RTL1: variants seen among roughly 807,000 people sequenced by gnomAD.
The protein encoded by RTL1 is retrotransposon-like protein 1.
For synonymous variants in RTL1, 727 were observed against 748.4 expected, an observed-to-expected ratio of 0.97 and a Z score of 0.47; for missense variants, 1,681 against 1,767.5, an observed-to-expected ratio of 0.95 and a Z score of 0.88.
rs2140032597 is a variant in RTL1 at position 100,880,710 on chromosome 14, C to G, written c.*2G>C. The G allele has an allele frequency of 6.4e-7, 1 of 1,550,842 alleles. No individual in the cohort carries two copies. Among genetic ancestry groups the G allele is most frequent in the Non-Finnish European group, 8.7e-7 (1 of 1,146,950 alleles). ...CTCTTTGCTGGAGACAGGGAGGCGT[C>G]TTCAGTCGAGGTTAGCATCTTCGTC... On this transcript the variant is annotated 3_prime_UTR_variant, in exon 4 of 4. Coordinates refer to ENST00000649591, the MANE Select transcript of RTL1 (RefSeq NM_001134888.3).
In RTL1 at chr14:100,891,161, C is replaced by T. The variant is rs555159558; in HGVS notation, c.-87+2283G>A. 3.3e-5 allele frequency among the ~76,000 whole-genome samples: 5 copies of T among 152,140 alleles called. No individual in the cohort carries two copies. In the East Asian group the frequency reaches 9.7e-4, roughly 30 times the overall value. On this transcript the variant is annotated intron_variant, in intron 3 of 3. Transcript: ENST00000649591. ...TGCAGGGGCTGCTGGCCTGGCATAGCTTATGTTGGAGTCCCTCCCCCCGGG... is the reference window on the plus strand; with the variant it reads ...TGCAGGGGCTGCTGGCCTGGCATAGTTTATGTTGGAGTCCCTCCCCCCGGG...
intron 2 of RTL1, chr14:100,897,771 T>TTGGG (rs2038885944): frequency 4.3e-5 from 1 of 23,144 alleles, no homozygotes; most frequent in Non-Finnish European, 8.3e-5. Flanking sequence ...GGTGGGGGGG[T>TTGGG]GGGGGGCGGG....
In RTL1 at chr14:100,881,712, G is replaced by A. The variant is rs558888009; in HGVS notation, c.3077C>T (p.Pro1026Leu). ...CTCTTCTTCCCCGGATTCCGTCGAT[G>A]GATCCCTGGGGAATCCCCTTGAGGC... ...LLASRGFPRD[P>L]STESGEEENE... The change falls in exon 4 of 4, where the codon CCA (proline) becomes CTA (leucine). Residue 1026 changes from proline to leucine, a missense_variant. Physicochemically the swap from Pro to Leu is moderately conservative, Grantham distance 98 (BLOSUM62 -3). Coordinates refer to ENST00000649591, the MANE Select transcript of RTL1 (RefSeq NM_001134888.3). This position sits in a 1 kb window ranked among gnomAD's most constrained non-coding sequence, Gnocchi z 6.6. The A allele has an allele frequency of 6.3e-7, 1 of 1,590,480 alleles. No individual in the cohort carries two copies. Among genetic ancestry groups the A allele is most frequent in the East Asian group, 2.3e-5 (1 of 43,512 alleles).
Position 100,882,253 on chromosome 14 carries a change from C to T in RTL1, c.2536G>A (p.Gly846Arg), listed in dbSNP as rs1202862458. 1 of 1,551,384 alleles carries T rather than the reference C, an allele frequency of 6.4e-7. No individual in the cohort carries two copies. Among genetic ancestry groups the T allele is most frequent in the Non-Finnish European group, 8.7e-7 (1 of 1,147,012 alleles). Residue 846 changes from glycine (G) to arginine (R), a missense_variant, in exon 4 of 4, where the codon GGA becomes AGA. By Grantham distance (125) the Gly-to-Arg change is moderately radical. Coordinates refer to ENST00000649591, the MANE Select transcript of RTL1 (RefSeq NM_001134888.3). ...TCGAAGGCCTCTTGCTCCTCGACTC[C>T]CCAGTAGAACTGGTAGGAGCTCAGC... ...QLLSSYQFYW[G>R]VEEQEAFECL...
At position 100,883,536 on chromosome 14, in the gene RTL1, T is replaced by A. The variant is rs2038651953; in HGVS notation, c.1253A>T (p.Asn418Ile). Residue 418 changes from asparagine to isoleucine, a missense_variant, in exon 4 of 4, where the codon AAC (asparagine) becomes ATC (isoleucine). Physicochemically the swap from Asn to Ile is moderately radical, Grantham distance 149. Coordinates refer to ENST00000649591, the MANE Select transcript of RTL1 (RefSeq NM_001134888.3). The surrounding 1 kb of genome is among the most constrained non-coding windows in gnomAD (Gnocchi z 5.9). Reference sequence around the variant, plus strand: ...CTGGACCGCGACGCTGTGGTAGGGGTTCACTCTCACCATGAGCAGCAGGAA... The same window carrying A: ...CTGGACCGCGACGCTGTGGTAGGGGATCACTCTCACCATGAGCAGCAGGAA... ...HLFLLLMVRV[N>I]PYHSVAVQAL... 1 of 1,551,416 alleles carries A rather than the reference T, an allele frequency of 6.4e-7. No individual in the cohort carries two copies. The highest frequency in any genetic ancestry group is 2.4e-5 in the East Asian group (1 of 40,898).
chr14:100,883,837 G>A lies in RTL1; in HGVS notation c.952C>T (p.Pro318Ser). 1 of 1,551,622 alleles carries A rather than the reference G, an allele frequency of 6.4e-7. No individual in the cohort carries two copies. ...AAGTGGGCCTGCAGGACTTCATCTG[G>A]CCAGCCCAAGATGGGTACCAGGCTC... ...FQSLVPILGW[P>S]DEVLQAHLCQ... Residue 318 changes from proline (P) to serine (S), a missense_variant, in exon 4 of 4, where the codon CCA becomes TCA. By Grantham distance (74) the Pro-to-Ser change is moderately conservative. Coordinates refer to ENST00000649591, the MANE Select transcript of RTL1 (RefSeq NM_001134888.3). This position sits in a 1 kb window ranked among gnomAD's most constrained non-coding sequence, Gnocchi z 5.9.
At chr14:100,885,197 G>A (rs2038681362) in intron 3 of RTL1, among the ~76,000 whole-genome samples, 1 of 152,212 alleles carries the variant, frequency 6.6e-6, no homozygotes, top group Non-Finnish European at 1.5e-5. Context: ...TACCTGGCAG[G>A]GTGCACAGGC....
chr14:100,896,021 C>T (rs1451822459), intron 2 of RTL1, among the ~76,000 whole-genome samples: 7 of 149,812 alleles, frequency 4.7e-5, no homozygotes, highest in Admixed American at 6.7e-5. Context: ...TGCAGTTAGC[C>T]GAGATTGCAC....
At position 100,882,138 on chromosome 14, in the gene RTL1, G is replaced by A. The variant is rs527721034; in HGVS notation, c.2651C>T (p.Thr884Met). 5 of 1,553,198 alleles carry A rather than the reference G, an allele frequency of 3.2e-6. No individual in the cohort carries two copies. The highest frequency in any genetic ancestry group is 3.9e-5 in the Admixed American group (2 of 51,150). ...TTGGATCAGGGAGGCGTGCAGGGCC[G>A]TGCCGGTGACGCCGGTTTCCAAGTA... Reference protein sequence around the residue: ...PFYLETGVTGTALHASLIQID... With the variant: ...PFYLETGVTGMALHASLIQID... Residue 884 changes from threonine to methionine, a missense_variant, in exon 4 of 4, where the codon ACG (threonine) becomes ATG (methionine). Transcript: ENST00000649591.
At position 100,882,525 on chromosome 14, in the gene RTL1, C is replaced by T. The variant is rs1010356702; in HGVS notation, c.2264G>A (p.Arg755His). 6 of 1,551,848 alleles carry T rather than the reference C, an allele frequency of 3.9e-6. No homozygotes were observed. Among genetic ancestry groups the T allele is most frequent in the Non-Finnish European group, 5.2e-6 (6 of 1,147,048 alleles). The change falls in exon 4 of 4, where the codon CGC (arginine) becomes CAC (histidine). Residue 755 changes from arginine (R) to histidine (H), a missense_variant. Transcript: ENST00000649591. ...HLHHVRQVLV[R>H]FRHHNVYCSL... ...GCAGTAGACGTTGTGATGGCGGAAG[C>T]GGACCAGGACTTGGCGGACGTGGTG... is the stretch of plus-strand genomic sequence containing the variant.
Position 100,882,682 on chromosome 14 carries a change from A to G in RTL1, c.2107T>C (p.Phe703Leu). ...ATGATAGGGTCTGGGGAGAGCGCAAACGGCTGGTAGCTCTTCATCTCTTCA... is the reference window on the plus strand; with the variant it reads ...ATGATAGGGTCTGGGGAGAGCGCAAGCGGCTGGTAGCTCTTCATCTCTTCA... ...ELEEMKSYQP[F>L]ALSPDPIIPQ... The change falls in exon 4 of 4, where the codon TTT becomes CTT. Residue 703 changes from phenylalanine to leucine, a missense_variant. Transcript: ENST00000649591. The G allele has an allele frequency of 1.3e-6, 2 of 1,551,876 alleles. No homozygotes were observed. The highest frequency in any genetic ancestry group is 1.7e-6 in the Non-Finnish European group (2 of 1,147,054).
In RTL1 at chr14:100,881,947, G is replaced by A; in HGVS notation, c.2842C>T (p.Leu948Phe). Residue 948 changes from leucine to phenylalanine, a missense_variant, in exon 4 of 4, where the codon CTT (leucine) becomes TTT (phenylalanine). Transcript: ENST00000649591. This position sits in a 1 kb window ranked among gnomAD's most constrained non-coding sequence, Gnocchi z 6.6. ...LENTEEPIMI[L>F]LNTEDLASLN... ...GAGGCTAGATCCTCTGTGTTGAGAA[G>A]GATCATGATGGGCTCCTCGGTGTTC... 1.9e-6 allele frequency: 3 copies of A among 1,613,744 alleles called. No homozygotes were observed. The highest frequency in any genetic ancestry group is 2.5e-6 in the Non-Finnish European group (3 of 1,180,036).
At chr14:100,902,546 C>G (rs1326683703) in intron 2 of RTL1, among the ~76,000 whole-genome samples, 1 of 152,222 alleles carries the variant, frequency 6.6e-6, no homozygotes, top group Non-Finnish European at 1.5e-5. Flanking sequence ...GCTCTGTATG[C>G]AGCCCCCTGC....
chr14:100,900,462 A>T (rs2038926518), intron 2 of RTL1, among the ~76,000 whole-genome samples: 1 of 152,220 alleles, frequency 6.6e-6, no homozygotes, highest in African/African-American at 2.4e-5. Flanking sequence ...CACATGTCTG[A>T]TACTGGGGCT....
intron 2 of RTL1, chr14:100,898,158 G>A (rs949767538): frequency 3.6e-4 from 74 of 207,926 alleles, no homozygotes; most frequent in Non-Finnish European, 1.4e-4. Flanking sequence ...CCGTCAGGGT[G>A]GGTCACAGAT....
chr14:100,899,029 C>A (rs2038906336), intron 2 of RTL1: 1 of 152,280 alleles, frequency 6.6e-6, no homozygotes, highest in South Asian at 2.1e-4. Flanking sequence ...TTCTTTCTTG[C>A]ACCGATGGGC....
intron 3 of RTL1, among the ~76,000 whole-genome samples, chr14:100,892,619 A>G (rs1379966534): frequency 6.6e-6 from 1 of 152,076 alleles, no homozygotes; most frequent in Non-Finnish European, 1.5e-5. Context: ...GAGTAAGTAA[A>G]CTAGAGTCCA....
chr14:100,901,313 G>A (rs562336496), intron 2 of RTL1, among the ~76,000 whole-genome samples: 18 of 152,168 alleles, frequency 1.2e-4, no homozygotes, highest in East Asian at 1.9e-4. Context: ...AGACATGCGC[G>A]CACACACACA....
At chr14:100,897,512 G>A (rs186355615) in intron 2 of RTL1, 3 of 152,004 alleles carry the variant, frequency 2.0e-5, no homozygotes, top group African/African-American at 7.3e-5. Context: ...ATTTGCATAT[G>A]TAGATAAATA....
Sources: allele counts gnomAD v4.1 joint callset (sites outside exome capture counted in the v4.1 genomes callset), GRCh38; gene constraint gnomAD v4.1.1; non-coding constraint Gnocchi (gnomAD v3.1); transcripts MANE v1.5; gene names NCBI Gene and HGNC (gene_info 2026-07-23, HGNC 2026-07-21).